TMEM200C: variants seen among roughly 807,000 people sequenced by gnomAD.
TMEM200C encodes transmembrane protein TTMA.
For synonymous variants in TMEM200C, 462 were observed against 324.7 expected, an observed-to-expected ratio of 1.42 and a Z score of -4.55; for missense variants, 966 against 699.9, an observed-to-expected ratio of 1.38 and a Z score of -4.29.
exon 3 of TMEM200C, chr18:5,887,634 C>T (rs7504258): frequency 0.28 from 42,670 of 152,102 alleles, 7,414 homozygotes; most frequent in Non-Finnish European, 0.4. Context: ...TGCAAAACAG[C>T]GGTAAGAATG....
chr18:5,883,871 T>C (rs1279813723), exon 3 of TMEM200C: 1 of 152,100 alleles, frequency 6.6e-6, no homozygotes, highest in Non-Finnish European at 1.5e-5. Flanking sequence ...ATTTCCAGAA[T>C]CTGAAATTTC....
chr18:5,896,148 C>T (rs1041405344), upstream of TMEM200C, among the ~76,000 whole-genome samples: 1 of 152,120 alleles, frequency 6.6e-6, no homozygotes, highest in East Asian at 1.9e-4. Flanking sequence ...CCGGGACGGG[C>T]GCACCGCGGG....
rs1378651788 is a variant in TMEM200C, at chr18:5,891,589, A to C, written c.475T>G (p.Tyr159Asp). The C allele has an allele frequency of 6.2e-7, 1 of 1,613,858 alleles. No individual in the cohort carries two copies. Among genetic ancestry groups the C allele is most frequent in the South Asian group, 1.1e-5 (1 of 91,086 alleles). The change falls in exon 3 of 3, where the codon TAC becomes GAC. Residue 159 changes from tyrosine (Y) to aspartate (D), a missense_variant. Tyr to Asp is a radical substitution (Grantham distance 160). Transcript: ENST00000581347. This position sits in a 1 kb window ranked among gnomAD's most constrained non-coding sequence, Gnocchi z 4.7. ...ACCTTGAGCTTGTCAGAGTGCAGGT[A>C]GCCAGAGAAGATGCGGAAGAAGAAG...
At chr18:5,894,300 G>T (rs1485591222) in intron 2 of TMEM200C, among the ~76,000 whole-genome samples, 3 of 152,286 alleles carry the variant, frequency 2.0e-5, no homozygotes, top group Non-Finnish European at 1.5e-5. Flanking sequence ...TTTAAAATGA[G>T]TTTAATAGCT....
chr18:5,894,306 T>G (rs1182616443), intron 2 of TMEM200C, among the ~76,000 whole-genome samples: 3 of 152,190 alleles, frequency 2.0e-5, no homozygotes, highest in Non-Finnish European at 4.4e-5. Flanking sequence ...ATGAGTTTAA[T>G]AGCTAGTAAT....
exon 2 of TMEM200C, chr18:5,895,144 G>A (rs1263347188): frequency 1.3e-5 from 2 of 152,100 alleles, no homozygotes; most frequent in Admixed American, 1.3e-4. Flanking sequence ...CAGCGCCCCG[G>A]GGCCCCGCAT....
chr18:5,886,881 T>A (rs2095165780), exon 3 of TMEM200C: 1 of 152,172 alleles, frequency 6.6e-6, no homozygotes, highest in Non-Finnish European at 1.5e-5. Flanking sequence ...AAAAGGAAGG[T>A]CATATGAAGT....
At chr18:5,886,758 T>C (rs2095165652) in exon 3 of TMEM200C, 1 of 152,166 alleles carries the variant, frequency 6.6e-6, no homozygotes, top group Admixed American at 6.5e-5. Context: ...CTCCATTTAC[T>C]AGATGTGAAG....
chr18:5,886,791 C>A (rs1035520397), exon 3 of TMEM200C: 9 of 148,264 alleles, frequency 6.1e-5, no homozygotes, highest in African/African-American at 2.4e-4. Flanking sequence ...TGTTATATAA[C>A]CCCCTAAGTC....
exon 3 of TMEM200C, chr18:5,889,981 C>T (rs1390098989): frequency 5.1e-6 from 2 of 391,168 alleles, no homozygotes; most frequent in Non-Finnish European, 9.0e-6. Context: ...CAATCACCAT[C>T]GGACATAAAA....
chr18:5,893,913 A>AT (rs1305379294), intron 2 of TMEM200C, among the ~76,000 whole-genome samples: 5 of 148,786 alleles, frequency 3.4e-5, no homozygotes, highest in African/African-American at 1.0e-4. Flanking sequence ...ATTGAAACAA[A>AT]CAAAAAAAAG....
chr18:5,890,918 C>T (rs1300028193), exon 3 of TMEM200C: 2 of 678,902 alleles, frequency 2.9e-6, no homozygotes, highest in Non-Finnish European at 5.3e-6. Context: ...CTTGCAAGGG[C>T]AGCAGCGCGA....
At chr18:5,895,324 A>G (rs113527612) in exon 2 of TMEM200C, 55,694 of 151,240 alleles carry the variant, frequency 0.37, 10,531 homozygotes, top group Admixed American at 0.49. Flanking sequence ...CTCATCCTCC[A>G]GCTCCCGGCG....
In TMEM200C at chr18:5,891,838, G is replaced by C; in HGVS notation, c.226C>G (p.Pro76Ala). The C allele has an allele frequency of 6.2e-7, 1 of 1,607,320 alleles. No individual in the cohort carries two copies. Among genetic ancestry groups the C allele is most frequent in the Non-Finnish European group, 8.5e-7 (1 of 1,178,860 alleles). Reference sequence around the variant, plus strand: ...TCCCGATTGGTCCCGGTGGCCTTGGGCCAGTAGCCCACCACCGCCATGGCT... The same window carrying C: ...TCCCGATTGGTCCCGGTGGCCTTGGCCCAGTAGCCCACCACCGCCATGGCT... The change falls in exon 3 of 3, where the codon CCC (proline) becomes GCC (alanine). Residue 76 changes from proline (P) to alanine (A), a missense_variant. Transcript: ENST00000581347. This position sits in a 1 kb window ranked among gnomAD's most constrained non-coding sequence, Gnocchi z 4.7.
rs950926458 is a variant in TMEM200C, at chr18:5,891,236, C to T, written c.828G>A (p.Ala276=). ...GCCACGAGCCCTTGGCCAGCATCGC[C>T]GCCGCTCCGAAGGCGTCCCCGGAGC... Residue 276 remains alanine, a synonymous_variant, in exon 3 of 3, where the codon GCG becomes GCA. Coordinates refer to ENST00000581347, the Ensembl canonical transcript of TMEM200C. This position sits in a 1 kb window ranked among gnomAD's most constrained non-coding sequence, Gnocchi z 4.7. 1.6e-5 allele frequency: 22 copies of T among 1,342,706 alleles called. No homozygotes were observed. Among genetic ancestry groups the T allele is most frequent in the African/African-American group, 6.1e-5 (4 of 65,176 alleles). The allele number at this position is 1,342,706 out of a possible 1,614,324, so 83.2% of individuals were successfully genotyped here.
chr18:5,890,951 G>C (rs1183567642), exon 3 of TMEM200C: 3 of 666,422 alleles, frequency 4.5e-6, no homozygotes, highest in Non-Finnish European at 8.1e-6. Context: ...AGGAGTCCAC[G>C]AAGGAGCTGG....
At chr18:5,886,882 C>T (rs2095165783) in exon 3 of TMEM200C, 3 of 152,092 alleles carry the variant, frequency 2.0e-5, no homozygotes, top group African/African-American at 7.2e-5. Flanking sequence ...AAAGGAAGGT[C>T]ATATGAAGTA....
exon 3 of TMEM200C, chr18:5,883,560 A>G (rs1181163773): frequency 6.6e-6 from 1 of 152,148 alleles, no homozygotes; most frequent in Non-Finnish European, 1.5e-5. Context: ...TCCTTTTGCT[A>G]TGAACGCATA....
At position 5,891,899 on chromosome 18, in the gene TMEM200C, G is replaced by A; in HGVS notation, c.165C>T (p.Ile55=). The A allele has an allele frequency of 2.5e-6, 4 of 1,613,142 alleles. No individual in the cohort carries two copies. Among genetic ancestry groups the A allele is most frequent in the Non-Finnish European group, 2.5e-6 (3 of 1,179,858 alleles). ...GCAGCACCAGGATCCCACAGAGGGC[G>A]ATGAGCCCTGAGATGGAGCACAGCT... Residue 55 remains isoleucine (I), a synonymous_variant, in exon 3 of 3, where the codon ATC becomes ATT. Transcript: ENST00000581347. The surrounding 1 kb of genome is among the most constrained non-coding windows in gnomAD (Gnocchi z 4.7).
Sources: allele counts gnomAD v4.1 joint callset (sites outside exome capture counted in the v4.1 genomes callset), GRCh38; gene constraint gnomAD v4.1.1; non-coding constraint Gnocchi (gnomAD v3.1); transcripts MANE v1.5; gene names NCBI Gene and HGNC (gene_info 2026-07-23, HGNC 2026-07-21).